Variants in C2CD5 observed in about 807,000 individuals in gnomAD.
The protein encoded by C2CD5 is C2 domain-containing protein 5.
A neutral mutation model predicts 130.3 loss-of-function variants in C2CD5; 109 were observed. The ratio of observed to expected loss-of-function variants is 0.84; its 90% CI spans 0.72 to 0.98. C2CD5 has a LOEUF of 0.98. C2CD5 is among the 50% of genes least tolerant of loss of function. C2CD5 has a pLI of 0.00. For missense variants in C2CD5, 996 were observed against 1,261.8 expected, an observed-to-expected ratio of 0.79 and a Z score of 3.19; for synonymous variants, 454 against 429.2, an observed-to-expected ratio of 1.06 and a Z score of -0.71.
intron 14 of C2CD5, among the ~76,000 whole-genome samples, chr12:22,478,781 G>A (rs1944251528): frequency 6.6e-6 from 1 of 152,036 alleles, no homozygotes; most frequent in African/African-American, 2.4e-5. Context: ...GGGAGGCAGA[G>A]GTTGCAGTGA....
At chr12:22,452,570 C>G (rs1464177002) in intron 26 of C2CD5, among the ~76,000 whole-genome samples, 1 of 152,146 alleles carries the variant, frequency 6.6e-6, no homozygotes, top group Non-Finnish European at 1.5e-5. Context: ...TTCCCTTCCC[C>G]CTCTAACGTG....
At chr12:22,481,219 C>G (rs1944661137) in intron 14 of C2CD5, among the ~76,000 whole-genome samples, 1 of 152,054 alleles carries the variant, frequency 6.6e-6, no homozygotes, top group South Asian at 2.1e-4. Context: ...CCTCTACATA[C>G]AAAACTTTAC....
At chr12:22,544,256 C>G (rs1294583219) in intron 1 of C2CD5, 64 bp downstream of exon 1, 3 of 1,137,148 alleles carry the variant, frequency 2.6e-6, no homozygotes, top group Non-Finnish European at 3.7e-6. Context: ...GGGTAACTGA[C>G]AGCGAAGGAG....
chr12:22,506,258 C>T (rs571029308), intron 10 of C2CD5, among the ~76,000 whole-genome samples: 157 of 152,232 alleles, frequency 1.0e-3, no homozygotes, highest in Non-Finnish European at 1.7e-3. Context: ...CTCCTTGCCC[C>T]GGCCTCCTGA....
chr12:22,478,771 G>A (rs1268890052), intron 14 of C2CD5, among the ~76,000 whole-genome samples: 4 of 151,922 alleles, frequency 2.6e-5, no homozygotes, highest in Non-Finnish European at 4.4e-5. Context: ...ACTTGAACCC[G>A]GGAGGCAGAG....
At chr12:22,482,483 A>AT (rs765509321) in intron 14 of C2CD5, 74 bp downstream of exon 14, 167 of 1,258,248 alleles carry the variant, frequency 1.3e-4, no homozygotes, top group Non-Finnish European at 1.8e-4. Flanking sequence ...TGAAAAGACT[A>AT]TTTGAATCAC....
chr12:22,525,643 TA>T lies in C2CD5; in HGVS notation c.411del (p.Phe137LeufsTer23). ...KVDLFNDLNR[F>X]RQSSCGVKFF... The stretch of plus-strand genomic sequence containing the variant: ...AATTTGACTCCACATGATGACTGCC[TA>T]AATCGATTTAAATCATTGAAGAGGT... On this transcript the variant is annotated frameshift_variant, in exon 5 of 27. Coordinates refer to ENST00000446597, the MANE Select transcript of C2CD5 (RefSeq NM_001286176.2). LOFTEE classifies it high-confidence loss of function. 1 of 1,584,288 alleles carries T rather than the reference TA, an allele frequency of 6.3e-7. No individual in the cohort carries two copies. The highest frequency in any genetic ancestry group is 8.7e-7 in the Non-Finnish European group (1 of 1,153,260).
At chr12:22,520,962 C>G (rs1300302017) in intron 7 of C2CD5, among the ~76,000 whole-genome samples, 1 of 152,104 alleles carries the variant, frequency 6.6e-6, no homozygotes, top group African/African-American at 2.4e-5. Context: ...ACTGGAACAT[C>G]ACCATAATGT....
Position 22,456,959 on chromosome 12 carries a change from C to T in C2CD5, c.2877+12G>A. On this transcript the variant is annotated intron_variant, in intron 25 of 26. Coordinates refer to ENST00000446597, the MANE Select transcript of C2CD5 (RefSeq NM_001286176.2). ...AATTTTTTAAAAAATGAAATAACTT[C>T]TATAAAATTACCTCCCGAAGAGAAG... 1 of 1,496,064 alleles carries T rather than the reference C, an allele frequency of 6.7e-7. No individual in the cohort carries two copies. The highest frequency in any genetic ancestry group is 1.4e-5 in the African/African-American group (1 of 69,912). The allele number at this position is 1,496,064 out of a possible 1,614,324, so 92.7% of individuals were successfully genotyped here.
chr12:22,453,424 AAATTT>A (rs1376637985), intron 26 of C2CD5, among the ~76,000 whole-genome samples: 2 of 152,202 alleles, frequency 1.3e-5, no homozygotes, highest in Non-Finnish European at 2.9e-5. Flanking sequence ...CAAAATTTAG[AAATTT>A]ATTTTAAGAT....
chr12:22,482,469 C>G (rs1469759461), intron 14 of C2CD5, 88 bp downstream of exon 14: 1 of 1,102,224 alleles, frequency 9.1e-7, no homozygotes, highest in South Asian at 1.5e-5. Flanking sequence ...TTTAGATAAG[C>G]CTTTGAAAAG....
At chr12:22,507,961 C>A (rs973659748) in intron 9 of C2CD5, among the ~76,000 whole-genome samples, 2 of 152,090 alleles carry the variant, frequency 1.3e-5, no homozygotes, top group Non-Finnish European at 2.9e-5. Context: ...ATCATGATCT[C>A]ATTTTCAAGA....
intron 4 of C2CD5, among the ~76,000 whole-genome samples, chr12:22,526,671 G>A (rs1950749437): frequency 6.6e-6 from 1 of 152,088 alleles, no homozygotes; most frequent in African/African-American, 2.4e-5. Context: ...AGGGGTTTGA[G>A]ACCAGCCTGG....
intron 21 of C2CD5, 38 bp downstream of exon 21, chr12:22,470,786 C>T (rs1477358006): frequency 7.9e-7 from 1 of 1,266,058 alleles, no homozygotes; most frequent in Non-Finnish European, 1.2e-6. Flanking sequence ...ATAACACAGA[C>T]AAACACAAAC....
intron 10 of C2CD5, among the ~76,000 whole-genome samples, chr12:22,495,742 A>C (rs1946932688): frequency 6.6e-6 from 1 of 152,152 alleles, no homozygotes; most frequent in Non-Finnish European, 1.5e-5. Context: ...CATGGGAGCT[A>C]AGGAAGCAAA....
At chr12:22,539,810 A>G (rs1156773384) in intron 2 of C2CD5, among the ~76,000 whole-genome samples, 1 of 152,172 alleles carries the variant, frequency 6.6e-6, no homozygotes, top group Non-Finnish European at 1.5e-5. Context: ...TCTGGGCAAC[A>G]TGGTGAAACC....
At position 22,513,284 on chromosome 12, in the gene C2CD5, T is replaced by C; in HGVS notation, c.1038+10A>G. The stretch of plus-strand genomic sequence containing the variant: ...CAGTGTAAGAACAAAGAATATCAAG[T>C]GAATCTTACCCTCTGTTCCAACGCT... On this transcript the variant is annotated intron_variant, in intron 9 of 26. Coordinates refer to ENST00000446597, the MANE Select transcript of C2CD5 (RefSeq NM_001286176.2). The C allele has an allele frequency of 6.4e-7, 1 of 1,567,098 alleles. No individual in the cohort carries two copies. The highest frequency in any genetic ancestry group is 1.3e-5 in the African/African-American group (1 of 74,168).
chr12:22,507,429 T>C (rs1435735147), intron 9 of C2CD5, among the ~76,000 whole-genome samples: 2 of 152,116 alleles, frequency 1.3e-5, no homozygotes, highest in Non-Finnish European at 2.9e-5. Flanking sequence ...TGCATAAAGG[T>C]ACATTAAGGA....
chr12:22,499,678 G>A (rs1947502598), intron 10 of C2CD5, among the ~76,000 whole-genome samples: 1 of 152,032 alleles, frequency 6.6e-6, no homozygotes, highest in African/African-American at 2.4e-5. Flanking sequence ...TAATGCAAAT[G>A]TGCCCATGGG....
Sources: gnomAD v4.1 joint callset for allele counts (sites outside exome capture counted in the v4.1 genomes callset) on GRCh38, gnomAD v4.1.1 for gene constraint, MANE v1.5 for transcripts, NCBI Gene and HGNC (gene_info 2026-07-23, HGNC 2026-07-21) for gene names.